Variants in BARX2 observed in about 807,000 individuals in gnomAD.
The protein encoded by BARX2 is BARX homeobox 2, also known as homeobox protein BarH-like 2.
BARX2 carries 11 observed loss-of-function variants against 25.5 expected under a neutral mutation model. That is an observed-to-expected ratio of 0.43 (90% CI 0.27 to 0.71). The LOEUF (loss-of-function observed/expected upper bound fraction) is 0.71, where lower values mean the gene tolerates loss of function less well. Among genes scored for constraint, BARX2 ranks in the 30% least tolerant of loss-of-function variants. BARX2 has a pLI of 0.19. For missense variants in BARX2, 360 were observed against 359.9 expected, an observed-to-expected ratio of 1.00 and a Z score of 0.00; for synonymous variants, 137 against 149.5, an observed-to-expected ratio of 0.92 and a Z score of 0.61.
chr11:129,427,285 G>A (rs1862074777), intron 1 of BARX2, among the ~76,000 whole-genome samples: 2 of 152,182 alleles, frequency 1.3e-5, no homozygotes, highest in Non-Finnish European at 2.9e-5. Flanking sequence ...CCTGCTCACT[G>A]TGTGAGTCAG....
chr11:129,420,739 A>G (rs1861995467), intron 1 of BARX2, among the ~76,000 whole-genome samples: 1 of 152,224 alleles, frequency 6.6e-6, no homozygotes, highest in African/African-American at 2.4e-5. Context: ...ATGCATTAAT[A>G]TTTTGTTCTT....
chr11:129,400,784 G>A (rs1221950405), intron 1 of BARX2, among the ~76,000 whole-genome samples: 2 of 152,188 alleles, frequency 1.3e-5, no homozygotes, highest in African/African-American at 2.4e-5. Context: ...GACCCAGGGC[G>A]GTGGCAGGCG....
chr11:129,433,899 G>C (rs1186343193), intron 1 of BARX2, among the ~76,000 whole-genome samples: 1 of 152,158 alleles, frequency 6.6e-6, no homozygotes, highest in East Asian at 1.9e-4. Context: ...CATGAAGGTA[G>C]GACTTTATAG....
intron 1 of BARX2, among the ~76,000 whole-genome samples, chr11:129,424,172 C>T (rs1862039149): frequency 6.6e-6 from 1 of 152,180 alleles, no homozygotes; most frequent in Non-Finnish European, 1.5e-5. Flanking sequence ...TTAAATCTTT[C>T]TTCTTGGGAG....
chr11:129,394,024 T>TC (rs79630919), intron 1 of BARX2, among the ~76,000 whole-genome samples: 3,864 of 152,282 alleles, frequency 0.025, 105 homozygotes, highest in East Asian at 0.14. Context: ...TCTGCGTCTC[T>TC]CCCCCATTAG....
At chr11:129,449,032 C>T (rs1293305078) in intron 3 of BARX2, among the ~76,000 whole-genome samples, 3 of 152,016 alleles carry the variant, frequency 2.0e-5, no homozygotes, top group Non-Finnish European at 4.4e-5. Context: ...GGGCTGTGGG[C>T]AGATCGGGTA....
intron 3 of BARX2, among the ~76,000 whole-genome samples, chr11:129,449,230 T>C (rs1372146896): frequency 6.6e-6 from 1 of 152,104 alleles, no homozygotes; most frequent in Non-Finnish European, 1.5e-5. Context: ...ACAAAGTAAG[T>C]TATGGTTTTA....
At chr11:129,412,536 A>G (rs1376705985) in intron 1 of BARX2, among the ~76,000 whole-genome samples, 1 of 152,242 alleles carries the variant, frequency 6.6e-6, no homozygotes, top group Non-Finnish European at 1.5e-5. Flanking sequence ...GTGTGCCCAG[A>G]GCAGCAGCTC....
intron 3 of BARX2, among the ~76,000 whole-genome samples, chr11:129,450,374 G>A (rs1014599558): frequency 1.3e-5 from 2 of 152,286 alleles, no homozygotes; most frequent in African/African-American, 4.8e-5. Context: ...ACAGATCACT[G>A]CAGACAAGGT....
At chr11:129,384,416 AT>A (rs1861599492) in intron 1 of BARX2, among the ~76,000 whole-genome samples, 1 of 152,124 alleles carries the variant, frequency 6.6e-6, no homozygotes, top group Non-Finnish European at 1.5e-5. Flanking sequence ...CAAGTCCCTG[AT>A]ATTGATAACC....
At position 129,436,783 on chromosome 11, in the gene BARX2, T is replaced by C; in HGVS notation, c.220T>C (p.Ser74Pro). The change falls in exon 2 of 4, where the codon TCG becomes CCG. Residue 74 changes from serine (S) to proline (P), a missense_variant. Ser to Pro is a moderately conservative substitution (Grantham distance 74). This residue lies in a region of BARX2 where 240 missense variants were observed against 228.7 expected (regional missense o/e 1.05). Transcript: ENST00000281437. The surrounding 1 kb of genome is among the most constrained non-coding windows in gnomAD (Gnocchi z 4.5). ...TTCCCTGCGGGCATATCCGCTCCTCTCGGTGATCACCCGCCAGCCCACTGT... is the reference window on the plus strand; with the variant it reads ...TTCCCTGCGGGCATATCCGCTCCTCCCGGTGATCACCCGCCAGCCCACTGT... ...SPSLRAYPLL[S>P]VITRQPTVIS... The C allele has an allele frequency of 6.2e-7, 1 of 1,607,366 alleles. No individual in the cohort carries two copies. Among genetic ancestry groups the C allele is most frequent in the Non-Finnish European group, 8.5e-7 (1 of 1,176,074 alleles).
chr11:129,397,480 G>T (rs1861732272), intron 1 of BARX2, among the ~76,000 whole-genome samples: 2 of 152,232 alleles, frequency 1.3e-5, no homozygotes, highest in South Asian at 4.2e-4. Flanking sequence ...CACCTTAAAA[G>T]CTTTCACGAA....
intron 1 of BARX2, among the ~76,000 whole-genome samples, chr11:129,399,387 GTCTC>G (rs148566721): frequency 6.6e-6 from 1 of 151,392 alleles, no homozygotes. Context: ...CTACCTCTCT[GTCTC>G]TCTCTCTCTC....
At chr11:129,380,638 A>G (rs548599739) in intron 1 of BARX2, among the ~76,000 whole-genome samples, 3 of 152,278 alleles carry the variant, frequency 2.0e-5, no homozygotes, top group South Asian at 4.1e-4. Context: ...TTTAGTAGCA[A>G]TTACTCATAA....
At chr11:129,426,078 ACATT>A (rs1862059054) in intron 1 of BARX2, among the ~76,000 whole-genome samples, 1 of 151,656 alleles carries the variant, frequency 6.6e-6, no homozygotes, top group Non-Finnish European at 1.5e-5. Context: ...GCCTCTTAAA[ACATT>A]TTCTGTTTTC....
At chr11:129,438,025 T>TA (rs11456583) in intron 2 of BARX2, 58,577 of 141,248 alleles carry the variant, frequency 0.41, 11,761 homozygotes, top group Non-Finnish European at 0.43. Context: ...CCTGTCTCCT[T>TA]AAAAAAAAAA....
chr11:129,391,775 A>G (rs1182433847), intron 1 of BARX2, among the ~76,000 whole-genome samples: 1 of 152,238 alleles, frequency 6.6e-6, no homozygotes, highest in Non-Finnish European at 1.5e-5. Flanking sequence ...GTAAAGTGGT[A>G]GAATTCAACA....
At chr11:129,423,026 C>G (rs1862023100) in intron 1 of BARX2, among the ~76,000 whole-genome samples, 2 of 151,302 alleles carry the variant, frequency 1.3e-5, no homozygotes, top group Admixed American at 1.3e-4. Flanking sequence ...TTTTATCTCC[C>G]TTTGTTTTTA....
In BARX2 at chr11:129,451,261, G is replaced by C. The variant is rs765243831; in HGVS notation, c.699G>C (p.Gln233His). The C allele has an allele frequency of 5.6e-6, 9 of 1,614,096 alleles. No individual in the cohort carries two copies. Among genetic ancestry groups the C allele is most frequent in the Non-Finnish European group, 7.6e-6 (9 of 1,180,044 alleles). ...ACAGCCAGGCCCAGGGTCAGGAGCA[G>C]CTGGAGCCCTCTCAGGGGCAGGAGG... ...KMNSQAQGQEQLEPSQGQEEL... is the reference protein window; with the variant it reads ...KMNSQAQGQEHLEPSQGQEEL... The change falls in exon 4 of 4, where the codon CAG becomes CAC. Residue 233 changes from glutamine to histidine, a missense_variant. Gln to His is a conservative substitution (Grantham distance 24). This residue lies in a region of BARX2 where 114 missense variants were observed against 109.4 expected (regional missense o/e 1.04). Transcript: ENST00000281437.
Sources: allele counts gnomAD v4.1 joint callset (sites outside exome capture counted in the v4.1 genomes callset), GRCh38; gene constraint gnomAD v4.1.1; regional missense constraint gnomAD v4.1.1; non-coding constraint Gnocchi (gnomAD v3.1); transcripts MANE v1.5; gene names NCBI Gene and HGNC (gene_info 2026-07-23, HGNC 2026-07-21).